The following SEC23A variants were observed in gnomAD, a reference collection of about 807,000 sequenced individuals.
The protein encoded by SEC23A is SEC23 homolog A, COPII component, also known as protein transport protein Sec23A.
A neutral mutation model predicts 103.7 loss-of-function variants in SEC23A; 56 were observed. The observed-to-expected ratio is 0.54, with a 90% CI of 0.44 to 0.67. The LOEUF (loss-of-function observed/expected upper bound fraction) is 0.67, where lower values mean the gene tolerates loss of function less well. SEC23A is among the 30% of genes least tolerant of loss of function. The pLI is 0.00. For synonymous variants in SEC23A, 281 were observed against 293.0 expected (o/e 0.96, Z 0.42); for missense variants, 784 against 936.4 (o/e 0.84, Z 2.12).
rs149832245 is a variant in SEC23A at position 39,076,734 on chromosome 14, T to A, written c.829-641A>T. 4.6e-3 allele frequency among the ~76,000 whole-genome samples: 693 copies of A among 151,750 alleles called. 7 individuals are homozygous for A. Among genetic ancestry groups the A allele is most frequent in the African/African-American group, 0.016 (668 of 41,358 alleles). On this transcript the variant is annotated intron_variant, in intron 7 of 19. Transcript: ENST00000307712. The stretch of plus-strand genomic sequence containing the variant: ...TGAGGTCAGGAGTTCAAGACCAGCC[T>A]GGTCAACATGGTGAAATCCCATCTC...
Position 39,074,455 on chromosome 14 carries a change from T to C in SEC23A, c.1063A>G (p.Thr355Ala). 4 of 1,613,608 alleles carry C rather than the reference T, an allele frequency of 2.5e-6. No homozygotes were observed. Among genetic ancestry groups the C allele is most frequent in the Non-Finnish European group, 3.4e-6 (4 of 1,179,694 alleles). ...IDIYACALDQ[T>A]GLLEMKCCPN... ...CAGCATTTCATCTCCAGGAGACCTG[T>C]CTGATCTAATGCACACGCATAGATA... is the stretch of plus-strand genomic sequence containing the variant. Residue 355 changes from threonine to alanine, a missense_variant, in exon 9 of 20, where the codon ACA (threonine) becomes GCA (alanine). Transcript: ENST00000307712.
In SEC23A at chr14:39,076,075, C is replaced by T; in HGVS notation, c.847G>A (p.Gly283Ser). The T allele has an allele frequency of 6.2e-7, 1 of 1,612,630 alleles. No individual in the cohort carries two copies. The highest frequency in any genetic ancestry group is 8.5e-7 in the Non-Finnish European group (1 of 1,179,282). ...CCAATGAACATCATGATACGAGCAC[C>T]AGTGTTGGGAAAAGTACACTATTAA... ...GLLECTFPNT[G>S]ARIMMFIGGP... Residue 283 changes from glycine (G) to serine (S), a missense_variant, in exon 8 of 20, where the codon GGT becomes AGT. Gly to Ser is a moderately conservative substitution (Grantham distance 56). This residue lies in a region of SEC23A where 683 missense variants were observed against 774.2 expected (regional missense o/e 0.88). Transcript: ENST00000307712.
At chr14:39,087,123 C>T in intron 5 of SEC23A, 115 bp from the exon 6 acceptor site, 1 of 707,816 alleles carries the variant, frequency 1.4e-6, no homozygotes, top group Non-Finnish European at 2.5e-6. Context: ...ATAAAAAATA[C>T]AAGGTCTCCT....
intron 1 of SEC23A, among the ~76,000 whole-genome samples, chr14:39,097,037 A>T (rs1320805658): frequency 1.3e-5 from 2 of 152,174 alleles, no homozygotes; most frequent in African/African-American, 4.8e-5. Context: ...TATCATTTAG[A>T]CTCTTTTGCA....
intron 14 of SEC23A, among the ~76,000 whole-genome samples, chr14:39,051,967 GA>G (rs34179296): frequency 0.77 from 110,346 of 143,754 alleles, 42,120 homozygotes; most frequent in East Asian, 0.88. Flanking sequence ...GCTCCTTCTC[GA>G]AAAAAAAAAA....
chr14:39,085,196 A>G (rs1472105066), intron 7 of SEC23A, among the ~76,000 whole-genome samples: 1 of 152,196 alleles, frequency 6.6e-6, no homozygotes, highest in Non-Finnish European at 1.5e-5. Context: ...ACAAATGAAT[A>G]TGTGGAGGTT....
At chr14:39,082,256 A>T (rs190617165) in intron 7 of SEC23A, among the ~76,000 whole-genome samples, 19 of 151,468 alleles carry the variant, frequency 1.3e-4, no homozygotes, top group African/African-American at 4.6e-4. Context: ...ATATGTGTAT[A>T]TAAATTTATA....
intron 17 of SEC23A, among the ~76,000 whole-genome samples, chr14:39,042,420 TATA>T (rs1259106632): frequency 5.9e-5 from 9 of 152,200 alleles, no homozygotes; most frequent in Admixed American, 5.2e-4. Flanking sequence ...AATAATAACT[TATA>T]ATGATTGCAT....
chr14:39,061,759 A>G lies in SEC23A; in HGVS notation c.1505+6T>C, dbSNP rs763502311. On this transcript the variant is annotated splice_donor_region_variant and intron_variant, in intron 13 of 19. Transcript: ENST00000307712. The stretch of plus-strand genomic sequence containing the variant: ...GAAAATCAAATCTCTAACAAATACA[A>G]CTTACTTCCTAGCAATGGTGGTCAC... 1.9e-6 allele frequency: 3 copies of G among 1,592,166 alleles called. No individual in the cohort carries two copies. The highest frequency in any genetic ancestry group is 1.7e-5 in the Admixed American group (1 of 59,978).
intron 7 of SEC23A, among the ~76,000 whole-genome samples, chr14:39,083,459 T>C (rs986890981): frequency 1.3e-5 from 2 of 151,988 alleles, no homozygotes; most frequent in Non-Finnish European, 1.5e-5. Context: ...TGATGTCTCA[T>C]GTCTCCCGAA....
At chr14:39,079,645 A>C (rs1282343545) in intron 7 of SEC23A, among the ~76,000 whole-genome samples, 1 of 152,044 alleles carries the variant, frequency 6.6e-6, no homozygotes, top group African/African-American at 2.4e-5. Context: ...GCATGGTGAA[A>C]CCCTGTCTCT....
chr14:39,047,297 G>T, intron 15 of SEC23A: 2 of 791,644 alleles, frequency 2.5e-6, no homozygotes, highest in Non-Finnish European at 3.7e-6. Flanking sequence ...CAAATACTTA[G>T]GCTAATGCCC....
At chr14:39,064,490 G>GT (rs983252554) in intron 11 of SEC23A, 258 of 150,548 alleles carry the variant, frequency 1.7e-3, no homozygotes, top group Admixed American at 3.4e-3. Flanking sequence ...TTTTGTTTTT[G>GT]TTTTTTTTTA....
intron 9 of SEC23A, among the ~76,000 whole-genome samples, chr14:39,072,003 G>A (rs1395401604): frequency 6.6e-6 from 1 of 151,942 alleles, no homozygotes; most frequent in East Asian, 1.9e-4. Flanking sequence ...GGAGGCCGAG[G>A]TGGGTGGATC....
intron 19 of SEC23A, among the ~76,000 whole-genome samples, chr14:39,036,310 G>A (rs1885456746): frequency 2.1e-5 from 2 of 94,512 alleles, no homozygotes; most frequent in African/African-American, 8.9e-5. Flanking sequence ...AACAGAGCAA[G>A]ACTCCGTCTC....
At chr14:39,061,915 G>T in intron 12 of SEC23A, 44 bp from the exon 13 acceptor site, 1 of 1,227,612 alleles carries the variant, frequency 8.1e-7, no homozygotes, top group Non-Finnish European at 1.2e-6. Flanking sequence ...AATTTACTAT[G>T]CTGTTGTCAT....
intron 8 of SEC23A, among the ~76,000 whole-genome samples, chr14:39,075,143 T>C (rs1886973459): frequency 6.6e-6 from 1 of 152,018 alleles, no homozygotes; most frequent in Non-Finnish European, 1.5e-5. Context: ...GAACTCTCTT[T>C]CCTAGCTAAA....
intron 10 of SEC23A, among the ~76,000 whole-genome samples, chr14:39,065,828 ATC>A (rs1316905268): frequency 6.6e-6 from 1 of 151,918 alleles, no homozygotes. Context: ...GAGAAACCCC[ATC>A]TCTACTAAAA....
At chr14:39,051,686 G>A (rs1035705580) in intron 14 of SEC23A, among the ~76,000 whole-genome samples, 12 of 152,072 alleles carry the variant, frequency 7.9e-5, no homozygotes, top group Admixed American at 6.6e-5. Context: ...AAGACTAGCC[G>A]GGCGTGGTGG....
Sources: allele counts gnomAD v4.1 joint callset (sites outside exome capture counted in the v4.1 genomes callset), GRCh38; gene constraint gnomAD v4.1.1; regional missense constraint gnomAD v4.1.1; transcripts MANE v1.5; gene names NCBI Gene and HGNC (gene_info 2026-07-23, HGNC 2026-07-21).